Variants in TENM3 observed in about 807,000 individuals in gnomAD.
TENM3 encodes teneurin-3.
Under a neutral mutation model 255.1 loss-of-function variants are expected in TENM3, and 63 were observed. The observed-to-expected ratio is 0.25, with a 90% CI of 0.20 to 0.30. The LOEUF (loss-of-function observed/expected upper bound fraction) is 0.30. TENM3 is among the 10% of genes least tolerant of loss of function. The pLI is 1.00. For missense variants in TENM3, 2,929 were observed against 3,461.1 expected (o/e 0.85, Z 3.86); for synonymous variants, 1,306 against 1,322.3 (o/e 0.99, Z 0.27).
At chr4:182,508,793 C>T (rs956880058) in intron 3 of TENM3, among the ~76,000 whole-genome samples, 7 of 152,174 alleles carry the variant, frequency 4.6e-5, no homozygotes, top group Non-Finnish European at 8.8e-5. Context: ...TTAAGCTTTC[C>T]AGCTTCCTAC....
chr4:182,220,786 C>A (rs1755807382), intron 1 of TENM3, among the ~76,000 whole-genome samples: 1 of 152,108 alleles, frequency 6.6e-6, no homozygotes, highest in South Asian at 2.1e-4. Context: ...CATAGTTTTT[C>A]CCTTTTTTAG....
the TENM3 span, among the ~76,000 whole-genome samples, chr4:181,608,925 G>C: frequency 6.6e-6 from 1 of 152,144 alleles, no homozygotes; most frequent in African/African-American, 2.4e-5. Context: ...CATCAACAAA[G>C]AGAGCCACTG....
chr4:182,508,614 A>C (rs1044954685), intron 3 of TENM3, among the ~76,000 whole-genome samples: 6 of 152,230 alleles, frequency 3.9e-5, no homozygotes, highest in African/African-American at 1.4e-4. Context: ...TGATAGATGC[A>C]TATTAGTATA....
the TENM3 span, among the ~76,000 whole-genome samples, chr4:181,699,475 AAG>A: frequency 1.0e-4 from 15 of 144,112 alleles, no homozygotes; most frequent in African/African-American, 4.0e-4. Flanking sequence ...AAAAAAAAGA[AAG>A]AAAGAAAAAG....
At chr4:182,076,185 G>A in the TENM3 span, among the ~76,000 whole-genome samples, 1 of 150,482 alleles carries the variant, frequency 6.6e-6, no homozygotes, top group East Asian at 2.0e-4. Flanking sequence ...GAGCCACCAT[G>A]CCCAGCCTCT....
At chr4:181,480,251 C>T in the TENM3 span, among the ~76,000 whole-genome samples, 35 of 152,154 alleles carry the variant, frequency 2.3e-4, no homozygotes, top group African/African-American at 8.2e-4. Flanking sequence ...ATTCAGATTA[C>T]CACCTGGAAA....
chr4:181,869,730 A>G, the TENM3 span, among the ~76,000 whole-genome samples: 5 of 152,170 alleles, frequency 3.3e-5, no homozygotes, highest in Non-Finnish European at 5.9e-5. Flanking sequence ...TTTGCTTGAC[A>G]TTCTTCAGAA....
intron 5 of TENM3, among the ~76,000 whole-genome samples, chr4:182,648,635 G>A (rs561608106): frequency 1.3e-5 from 2 of 152,152 alleles, no homozygotes; most frequent in Admixed American, 6.5e-5. Flanking sequence ...TATATGGATC[G>A]CAATAAGTGA....
At chr4:182,416,423 CT>C (rs1770362890) in intron 3 of TENM3, among the ~76,000 whole-genome samples, 1 of 150,236 alleles carries the variant, frequency 6.7e-6, no homozygotes, top group Non-Finnish European at 1.5e-5. Flanking sequence ...ATATTGCTTT[CT>C]TAAAAAAAAA....
chr4:181,598,309 C>G, the TENM3 span, among the ~76,000 whole-genome samples: 3 of 152,114 alleles, frequency 2.0e-5, no homozygotes, highest in African/African-American at 7.2e-5. Context: ...AGTTAAGGCT[C>G]TAGGGCTTTC....
the TENM3 span, among the ~76,000 whole-genome samples, chr4:181,820,486 A>AACACACACAC: frequency 1.9e-3 from 285 of 148,166 alleles, 3 homozygotes; most frequent in African/African-American, 6.7e-3. Flanking sequence ...ATTTTCTTTA[A>AACACACACAC]ACACACACAC....
At chr4:181,656,538 A>T in the TENM3 span, among the ~76,000 whole-genome samples, 1 of 152,168 alleles carries the variant, frequency 6.6e-6, no homozygotes, top group East Asian at 1.9e-4. Context: ...GCGGATGCAG[A>T]TGGGCCCAGG....
At chr4:182,143,454 T>C (rs1201914344), upstream of TENM3, 1 of 165,608 alleles carries the variant, frequency 6.0e-6, no homozygotes, top group African/African-American at 2.4e-5. The surrounding 1 kb of genome is among the most constrained non-coding windows in gnomAD (Gnocchi z 4.3). Context: ...TGGAAATCCT[T>C]AATTACACCC....
rs182111377 is a variant in TENM3, at chr4:182,408,648, T to C, written c.511+61719T>C. ...GGCTCTTGTTAAAAAAAGAAAAAAATCAAATTTAACTAGCCTGATTGCAGA... is the reference window on the plus strand; with the variant it reads ...GGCTCTTGTTAAAAAAAGAAAAAAACCAAATTTAACTAGCCTGATTGCAGA... On this transcript the variant is annotated intron_variant, in intron 3 of 27. Transcript: ENST00000511685. 3.4e-3 allele frequency among the ~76,000 whole-genome samples: 511 copies of C among 152,294 alleles called. 2 individuals carry two copies. Among genetic ancestry groups the C allele is most frequent in the African/African-American group, 0.012 (481 of 41,562 alleles).
intron 3 of TENM3, among the ~76,000 whole-genome samples, chr4:182,553,314 G>C (rs1486201650): frequency 1.3e-5 from 2 of 149,114 alleles, no homozygotes; most frequent in Non-Finnish European, 3.0e-5. Context: ...CTCACTCATA[G>C]GTGGGAATTG....
intron 3 of TENM3, among the ~76,000 whole-genome samples, chr4:182,490,142 C>T (rs1580725833): frequency 1.3e-5 from 2 of 152,094 alleles, no homozygotes; most frequent in South Asian, 2.1e-4. Context: ...GACCACCGTT[C>T]GGACAATGTA....
At chr4:182,788,013 G>A (rs1339944229) in intron 24 of TENM3, among the ~76,000 whole-genome samples, 2 of 152,142 alleles carry the variant, frequency 1.3e-5, no homozygotes, top group Non-Finnish European at 1.5e-5. Flanking sequence ...TATGATGTAT[G>A]TATATACACA....
chr4:182,354,984 C>T (rs1765423644), intron 3 of TENM3, among the ~76,000 whole-genome samples: 1 of 152,094 alleles, frequency 6.6e-6, no homozygotes, highest in African/African-American at 2.4e-5. Flanking sequence ...AGATGTATTC[C>T]CTGACGTCTA....
the TENM3 span, among the ~76,000 whole-genome samples, chr4:181,508,786 G>C: frequency 2.6e-5 from 4 of 151,774 alleles, no homozygotes; most frequent in Admixed American, 2.6e-4. Flanking sequence ...TGCCAGGAAG[G>C]TCAAACTCTG....
Sources: allele counts gnomAD v4.1 joint callset (sites outside exome capture counted in the v4.1 genomes callset), GRCh38; gene constraint gnomAD v4.1.1; non-coding constraint Gnocchi (gnomAD v3.1); transcripts MANE v1.5; gene names NCBI Gene and HGNC (gene_info 2026-07-23, HGNC 2026-07-21).